Variants in TLE4 observed in about 807,000 individuals in gnomAD.
The protein encoded by TLE4 is TLE family member 4, transcriptional corepressor, also known as transducin-like enhancer protein 4.
Under a neutral mutation model 92.8 loss-of-function variants are expected in TLE4, and 8 were observed. The observed-to-expected ratio is 0.09, with a 90% CI of 0.05 to 0.16. The LOEUF (loss-of-function observed/expected upper bound fraction) is 0.16, where lower values mean the gene tolerates loss of function less well. TLE4 is among the 10% of genes least tolerant of loss of function. The pLI is 1.00. For synonymous variants in TLE4, 371 were observed against 374.1 expected (o/e 0.99, Z 0.10); for missense variants, 675 against 997.6 (o/e 0.68, Z 4.36).
At chr9:79,658,785 A>C (rs772995109) in intron 8 of TLE4, among the ~76,000 whole-genome samples, 1 of 152,254 alleles carries the variant, frequency 6.6e-6, no homozygotes, top group Non-Finnish European at 1.5e-5. Flanking sequence ...TATTGTAAAA[A>C]GGCAAAGGCA....
At chr9:79,660,918 CGGCCT>C (rs2060447608) in intron 8 of TLE4, among the ~76,000 whole-genome samples, 1 of 152,118 alleles carries the variant, frequency 6.6e-6, no homozygotes, top group South Asian at 2.1e-4. Flanking sequence ...TTAACAGGGG[CGGCCT>C]GGTTGGCAGG....
At chr9:79,642,526 G>T (rs1319162064) in intron 6 of TLE4, among the ~76,000 whole-genome samples, 1 of 151,864 alleles carries the variant, frequency 6.6e-6, no homozygotes, top group African/African-American at 2.4e-5. Context: ...TTACAAAATA[G>T]AACCATTGGT....
intron 8 of TLE4, among the ~76,000 whole-genome samples, chr9:79,686,498 C>G (rs947160323): frequency 2.6e-5 from 4 of 152,030 alleles, no homozygotes; most frequent in East Asian, 1.9e-4. Context: ...TGAGGTCATC[C>G]GGGAATCAAG....
intron 4 of TLE4, among the ~76,000 whole-genome samples, chr9:79,592,336 C>G (rs1274264332): frequency 6.9e-6 from 1 of 144,740 alleles, no homozygotes; most frequent in African/African-American, 2.6e-5. Flanking sequence ...AGTGCAGTGG[C>G]GTGATCATGG....
intron 10 of TLE4, 38 bp downstream of exon 10, chr9:79,705,980 A>G: frequency 6.3e-7 from 1 of 1,593,528 alleles, no homozygotes; most frequent in Non-Finnish European, 8.6e-7. Context: ...GCACTTGCCC[A>G]GCCATATCAA....
intron 4 of TLE4, among the ~76,000 whole-genome samples, chr9:79,602,082 T>G (rs957491603): frequency 6.6e-6 from 1 of 152,186 alleles, no homozygotes; most frequent in African/African-American, 2.4e-5. Flanking sequence ...CTCACTCTCT[T>G]CAATTCTATG....
chr9:79,627,491 A>G (rs781493193), intron 6 of TLE4, 43 bp downstream of exon 6: 3 of 1,580,630 alleles, frequency 1.9e-6, no homozygotes, highest in Admixed American at 1.7e-5. Context: ...AGTGTTTGTC[A>G]TCAGCTCTCT....
intron 6 of TLE4, 97 bp downstream of exon 6, chr9:79,627,545 C>A: frequency 2.6e-6 from 3 of 1,164,792 alleles, no homozygotes; most frequent in Non-Finnish European, 3.8e-6. Context: ...GGGCAAAAAG[C>A]AATAGATGAC....
chr9:79,700,390 ATTGTCATCT>A (rs1278697042), intron 8 of TLE4, among the ~76,000 whole-genome samples: 4 of 152,098 alleles, frequency 2.6e-5, no homozygotes, highest in Non-Finnish European at 5.9e-5. Context: ...TTTCTCATAC[ATTGTCATCT>A]TTGATCTTGA....
At position 79,673,743 on chromosome 9, in the gene TLE4, T is replaced by C. The variant is rs375612055; in HGVS notation, c.609+19668T>C. Among the ~76,000 whole-genome samples the C allele has an allele frequency of 1.8e-4, 28 of 152,308 alleles. No individual in the cohort carries two copies. The South Asian group carries it at 5.6e-3, about 30-fold the overall frequency. Reference sequence around the variant, plus strand: ...TATTGAAGTAGTAGCATAATTTACATGTTACTTCTTGTCAACCACCAAAAC... The same window carrying C: ...TATTGAAGTAGTAGCATAATTTACACGTTACTTCTTGTCAACCACCAAAAC... On this transcript the variant is annotated intron_variant, in intron 8 of 19. Transcript: ENST00000376552.
intron 4 of TLE4, among the ~76,000 whole-genome samples, chr9:79,595,553 A>T (rs1426207923): frequency 1.3e-5 from 2 of 152,218 alleles, no homozygotes; most frequent in Non-Finnish European, 2.9e-5. Flanking sequence ...GTATCAGGTT[A>T]TTTTATAATT....
chr9:79,685,708 A>G (rs1227705368), intron 8 of TLE4, among the ~76,000 whole-genome samples: 1 of 152,220 alleles, frequency 6.6e-6, no homozygotes, highest in Non-Finnish European at 1.5e-5. Context: ...AGAAGGTCAT[A>G]TGTCTGAACA....
Position 79,572,774 on chromosome 9 carries a change from CA to C in TLE4, c.-15del. The C allele has an allele frequency of 6.3e-7, 1 of 1,599,062 alleles. No homozygotes were observed. The highest frequency in any genetic ancestry group is 8.5e-7 in the Non-Finnish European group (1 of 1,173,530). ...GCCGCGCGCCTCTGCCGAGCGCAGCCAACTAAATCGGCTTGGATGATTCGCG... is the reference window on the plus strand; with the variant it reads ...GCCGCGCGCCTCTGCCGAGCGCAGCCACTAAATCGGCTTGGATGATTCGCG... On this transcript the variant is annotated 5_prime_UTR_variant, in exon 1 of 20. The change abolishes the stop of an existing upstream ORF in the 5' untranslated region. Transcript: ENST00000376552.
chr9:79,673,603 C>T (rs575154355), intron 8 of TLE4, among the ~76,000 whole-genome samples: 6 of 152,194 alleles, frequency 3.9e-5, no homozygotes, highest in Non-Finnish European at 7.3e-5. Context: ...GAAGAGACTA[C>T]TCCAAATGAA....
chr9:79,576,746 G>A (rs2037908471), intron 4 of TLE4: 1 of 151,386 alleles, frequency 6.6e-6, no homozygotes, highest in African/African-American at 2.4e-5. Context: ...AAATGAGCCT[G>A]ATAGGAGGAT....
chr9:79,612,652 G>T lies in TLE4; in HGVS notation c.253-4G>T, dbSNP rs759617979. On this transcript the variant is annotated splice_polypyrimidine_tract_variant and splice_region_variant and intron_variant, in intron 4 of 19. Transcript: ENST00000376552. ...ATTGCTTTCCTTTCCCTTATTTTTT[G>T]CAGGCAGAGATTGTCAAGAGGCTGA... The T allele has an allele frequency of 2.5e-6, 4 of 1,612,256 alleles. No homozygotes were observed. In the East Asian group the frequency reaches 8.9e-5, roughly 36 times the overall value.
At chr9:79,722,653 C>T (rs778327143) in intron 18 of TLE4, 52 bp downstream of exon 18, 2 of 1,593,140 alleles carry the variant, frequency 1.3e-6, no homozygotes, top group South Asian at 2.3e-5. Context: ...GCTCCTTCCC[C>T]CTTCCTGTGT....
rs1451059114 is a variant in TLE4 at position 79,573,123 on chromosome 9, G to C, written c.45+288G>C. ...CGGTCCCCGCGCCGCGACTCCTCGA[G>C]GGGGGGTGGCGAGCGATGAAGGAGG... is the stretch of plus-strand genomic sequence containing the variant. On this transcript the variant is annotated intron_variant, in intron 1 of 19. Coordinates refer to ENST00000376552, the MANE Select transcript of TLE4 (RefSeq NM_007005.6). The C allele has an allele frequency of 1.3e-5, 8 of 623,778 alleles. No homozygotes were observed. In the East Asian group the frequency reaches 1.9e-4, roughly 14 times the overall value. 38.6% of individuals were successfully genotyped at this position (623,778 alleles called of 1,614,324 possible).
rs1329587657 is a variant in TLE4, at chr9:79,722,486, G to C, written c.2022G>C (p.Trp674Cys). 6.2e-7 allele frequency: 1 copy of C among 1,614,116 alleles called. No individual in the cohort carries two copies. The highest frequency in any genetic ancestry group is 2.2e-5 in the East Asian group (1 of 44,894). Residue 674 changes from tryptophan (W) to cysteine (C), a missense_variant, in exon 18 of 20, where the codon TGG (tryptophan) becomes TGC (cysteine). Physicochemically the swap from Trp to Cys is radical, Grantham distance 215. This residue lies in a region of TLE4 where 170 missense variants were observed against 359.6 expected (regional missense o/e 0.47). Transcript: ENST00000376552. ...FSLGYCPTGE[W>C]LAVGMENSNV... ...TGGGCTACTGCCCAACTGGAGAGTG[G>C]CTTGCAGTGGGGATGGAGAACAGCA...
Sources: allele counts gnomAD v4.1 joint callset (sites outside exome capture counted in the v4.1 genomes callset), GRCh38; gene constraint gnomAD v4.1.1; regional missense constraint gnomAD v4.1.1; transcripts MANE v1.5; gene names NCBI Gene and HGNC (gene_info 2026-07-23, HGNC 2026-07-21).